Variants in ZNF804A observed in about 807,000 individuals in gnomAD.
ZNF804A encodes the protein zinc finger protein 804A.
Under a neutral mutation model 16.5 loss-of-function variants are expected in ZNF804A, and 2 were observed. That is an observed-to-expected ratio of 0.12 (90% CI 0.05 to 0.38). The LOEUF is 0.38. Among genes scored for constraint, ZNF804A ranks in the 10% least tolerant of loss-of-function variants. The probability of loss-of-function intolerance (pLI) is 0.99; values close to 1 mark genes in which losing one functional copy is unlikely to be tolerated. For synonymous variants in ZNF804A, 534 were observed against 489.6 expected (o/e 1.09, Z -1.20); for missense variants, 1,473 against 1,390.7 (o/e 1.06, Z -0.94).
chr2:184,911,092 G>A (rs2115622), intron 2 of ZNF804A, among the ~76,000 whole-genome samples: 64,372 of 151,362 alleles, frequency 0.43, 16,601 homozygotes, highest in East Asian at 0.82. Context: ...TTTCTTCTAC[G>A]ATTCTTATAG....
At chr2:184,629,743 C>G (rs1167129097) in intron 1 of ZNF804A, among the ~76,000 whole-genome samples, 2 of 152,038 alleles carry the variant, frequency 1.3e-5, no homozygotes, top group Non-Finnish European at 2.9e-5. Flanking sequence ...AATAACTGTA[C>G]TGAATATTCT....
chr2:184,656,598 A>G (rs572345269), intron 1 of ZNF804A, among the ~76,000 whole-genome samples: 22 of 152,188 alleles, frequency 1.4e-4, no homozygotes, highest in African/African-American at 5.1e-4. Flanking sequence ...AATGTTGTAT[A>G]TATTTCTCTT....
intron 1 of ZNF804A, among the ~76,000 whole-genome samples, chr2:184,729,157 T>C (rs2105746455): frequency 6.6e-6 from 1 of 151,884 alleles, no homozygotes; most frequent in South Asian, 2.1e-4. Flanking sequence ...ATACTAAAAT[T>C]ACCAAAAGAA....
intron 1 of ZNF804A, among the ~76,000 whole-genome samples, chr2:184,865,118 G>A (rs559525032): frequency 3.5e-4 from 53 of 152,118 alleles, no homozygotes; most frequent in African/African-American, 1.2e-3. Flanking sequence ...GACCTCAAGT[G>A]ATCCACATGC....
At chr2:184,679,528 G>A (rs565385200) in intron 1 of ZNF804A, among the ~76,000 whole-genome samples, 4 of 152,194 alleles carry the variant, frequency 2.6e-5, no homozygotes, top group East Asian at 3.9e-4. Context: ...CTGCACTCCC[G>A]GGGGCTCAGG....
At chr2:184,765,799 C>T (rs1694116212) in intron 1 of ZNF804A, among the ~76,000 whole-genome samples, 1 of 152,044 alleles carries the variant, frequency 6.6e-6, no homozygotes, top group Non-Finnish European at 1.5e-5. Flanking sequence ...GTTAATTCTT[C>T]CAATTCTATT....
intron 2 of ZNF804A, among the ~76,000 whole-genome samples, chr2:184,911,100 T>TA (rs1375388127): frequency 1.3e-5 from 2 of 151,512 alleles, no homozygotes; most frequent in African/African-American, 4.8e-5. Context: ...ACGATTCTTA[T>TA]AGTTTGAAGT....
At chr2:184,932,474 C>T (rs1459782372) in intron 2 of ZNF804A, among the ~76,000 whole-genome samples, 1 of 152,138 alleles carries the variant, frequency 6.6e-6, no homozygotes, top group East Asian at 1.9e-4. Flanking sequence ...CATCAGATCT[C>T]ATGAGACTCA....
intron 1 of ZNF804A, among the ~76,000 whole-genome samples, chr2:184,845,174 C>G (rs778779921): frequency 6.6e-6 from 1 of 151,800 alleles, no homozygotes; most frequent in South Asian, 2.1e-4. Context: ...TAAATTTTCT[C>G]TTTGATAATT....
chr2:184,742,285 TGTAA>T (rs904111844), intron 1 of ZNF804A, among the ~76,000 whole-genome samples: 3 of 152,028 alleles, frequency 2.0e-5, no homozygotes, highest in East Asian at 3.9e-4. Flanking sequence ...GTTAAACCTG[TGTAA>T]GTGTTTCAAT....
At chr2:184,902,087 T>C (rs941397234) in intron 2 of ZNF804A, 5 of 152,210 alleles carry the variant, frequency 3.3e-5, no homozygotes, top group African/African-American at 7.2e-5. Flanking sequence ...AAATATGTAC[T>C]TAGAATTAGC....
chr2:184,789,535 G>A (rs973902895), intron 1 of ZNF804A, among the ~76,000 whole-genome samples: 9 of 151,604 alleles, frequency 5.9e-5, no homozygotes, highest in Non-Finnish European at 1.3e-4. Context: ...TCTGTTCAAT[G>A]TTTCTGTTTG....
chr2:184,863,920 T>G (rs1695835979), intron 1 of ZNF804A, among the ~76,000 whole-genome samples: 1 of 152,294 alleles, frequency 6.6e-6, no homozygotes, highest in Admixed American at 6.5e-5. Flanking sequence ...TTTAACATAT[T>G]GGAAGAATCA....
chr2:184,886,190 G>T (rs183174334), intron 2 of ZNF804A, among the ~76,000 whole-genome samples: 1 of 152,112 alleles, frequency 6.6e-6, no homozygotes, highest in East Asian at 1.9e-4. Flanking sequence ...TACAAGGCCC[G>T]TGCAAATCTT....
At chr2:184,824,167 C>G (rs1401755865) in intron 1 of ZNF804A, among the ~76,000 whole-genome samples, 1 of 152,044 alleles carries the variant, frequency 6.6e-6, no homozygotes, top group Non-Finnish European at 1.5e-5. Flanking sequence ...AAGTGAGACA[C>G]AGCTGGTTAT....
At chr2:184,654,719 TG>T (rs1210581611) in intron 1 of ZNF804A, among the ~76,000 whole-genome samples, 2 of 152,190 alleles carry the variant, frequency 1.3e-5, no homozygotes, top group Non-Finnish European at 2.9e-5. Flanking sequence ...ATAGCAGCTA[TG>T]AAAAAGCATA....
chr2:184,919,951 C>T (rs1232423612), intron 2 of ZNF804A, among the ~76,000 whole-genome samples: 1 of 151,992 alleles, frequency 6.6e-6, no homozygotes, highest in Non-Finnish European at 1.5e-5. Flanking sequence ...TCCATCTCTA[C>T]TAATAATATA....
chr2:184,902,766 A>G (rs556440104), intron 2 of ZNF804A, among the ~76,000 whole-genome samples: 1 of 152,012 alleles, frequency 6.6e-6, no homozygotes, highest in East Asian at 1.9e-4. Context: ...TGTTGTTTCT[A>G]TTGTCACTGT....
At chr2:184,856,121 G>T (rs1695682812) in intron 1 of ZNF804A, among the ~76,000 whole-genome samples, 1 of 151,848 alleles carries the variant, frequency 6.6e-6, no homozygotes, top group South Asian at 2.1e-4. Flanking sequence ...GTAAATATGT[G>T]TGATGGGCTT....
Sources: gnomAD v4.1 joint callset for allele counts (sites outside exome capture counted in the v4.1 genomes callset) on GRCh38, gnomAD v4.1.1 for gene constraint, MANE v1.5 for transcripts, NCBI Gene and HGNC (gene_info 2026-07-23, HGNC 2026-07-21) for gene names.